The following SHROOM3 variants were observed in gnomAD, a reference collection of about 807,000 sequenced individuals.
SHROOM3 encodes protein Shroom3.
SHROOM3 carries 47 observed loss-of-function variants against 138.6 expected under a neutral mutation model. The observed-to-expected ratio is 0.34, with a 90% CI of 0.27 to 0.43. SHROOM3 has a LOEUF of 0.43. Ranked by LOEUF, SHROOM3 falls within the 20% of genes least tolerant of loss-of-function variation. The pLI, the probability that SHROOM3 is intolerant of heterozygous loss-of-function variation, is 1.00. For synonymous variants in SHROOM3, 1,062 were observed against 1,063.3 expected (o/e 1.00, Z 0.02); for missense variants, 2,491 against 2,596.5 (o/e 0.96, Z 0.88).
At chr4:76,516,300 T>C (rs1001294134) in intron 1 of SHROOM3, among the ~76,000 whole-genome samples, 1 of 152,230 alleles carries the variant, frequency 6.6e-6, no homozygotes, top group African/African-American at 2.4e-5. Flanking sequence ...TTTTCTAGAC[T>C]GTAATATTGC....
chr4:76,631,156 G>T (rs377553626), intron 2 of SHROOM3, among the ~76,000 whole-genome samples: 9 of 147,464 alleles, frequency 6.1e-5, no homozygotes, highest in African/African-American at 2.4e-4. Context: ...ATTGAGTGAG[G>T]TGCTTTAATA....
intron 1 of SHROOM3, among the ~76,000 whole-genome samples, chr4:76,541,133 G>A (rs900297207): frequency 1.3e-5 from 2 of 151,956 alleles, no homozygotes; most frequent in Non-Finnish European, 1.5e-5. Flanking sequence ...CTATATGTAC[G>A]TTATAATAGA....
At chr4:76,732,279 G>A (rs994595248) in intron 4 of SHROOM3, among the ~76,000 whole-genome samples, 1 of 152,144 alleles carries the variant, frequency 6.6e-6, no homozygotes, top group Non-Finnish European at 1.5e-5. Flanking sequence ...GGGGGGAGGA[G>A]GGGAGGCTGG....
At chr4:76,621,492 T>C (rs1735006563) in intron 2 of SHROOM3, among the ~76,000 whole-genome samples, 1 of 152,212 alleles carries the variant, frequency 6.6e-6, no homozygotes, top group Non-Finnish European at 1.5e-5. Context: ...TGGAGGTTAT[T>C]TATTTGTATG....
intron 1 of SHROOM3, among the ~76,000 whole-genome samples, chr4:76,519,933 G>A (rs2110009891): frequency 6.6e-6 from 1 of 152,260 alleles, no homozygotes; most frequent in Admixed American, 6.5e-5. Flanking sequence ...AGCTTCTTGT[G>A]TTTTAATCAT....
chr4:76,589,117 TCTCAACAAA>T (rs1164199722), intron 2 of SHROOM3, among the ~76,000 whole-genome samples: 1 of 152,176 alleles, frequency 6.6e-6, no homozygotes, highest in Non-Finnish European at 1.5e-5. Flanking sequence ...AGATAAAAGC[TCTCAACAAA>T]CTTGTGTGAA....
At chr4:76,612,089 C>T (rs1734775817) in intron 2 of SHROOM3, among the ~76,000 whole-genome samples, 1 of 152,176 alleles carries the variant, frequency 6.6e-6, no homozygotes, top group African/African-American at 2.4e-5. Flanking sequence ...TGTTTCTATT[C>T]CTCTACTCTA....
At chr4:76,652,572 A>T (rs2110089109) in intron 2 of SHROOM3, among the ~76,000 whole-genome samples, 1 of 152,344 alleles carries the variant, frequency 6.6e-6, no homozygotes, top group South Asian at 2.1e-4. Context: ...TGTGTCCCAT[A>T]TCACAGGCTC....
chr4:76,740,985 GC>G lies in SHROOM3; in HGVS notation c.2814del (p.Thr939ProfsTer50). Reference sequence around the variant, plus strand: ...GGACGCACAGTCCCGTGTCTTGGGGGCCACCTCCTTTCGACGTCGAGACCTG... The same window carrying G: ...GGACGCACAGTCCCGTGTCTTGGGGGCACCTCCTTTCGACGTCGAGACCTG... Reference protein sequence around the residue: ...IKDAQSRVLGATSFRRRDLEL... With the variant: ...IKDAQSRVLGXTSFRRRDLEL... On this transcript the variant is annotated frameshift_variant, in exon 5 of 11. Transcript: ENST00000296043. LOFTEE classifies it high-confidence loss of function. The surrounding 1 kb of genome is among the most constrained non-coding windows in gnomAD (Gnocchi z 4.0). 1 of 1,492,998 alleles carries G rather than the reference GC, an allele frequency of 6.7e-7. No homozygotes were observed. The highest frequency in any genetic ancestry group is 8.9e-7 in the Non-Finnish European group (1 of 1,125,542). 92.5% of individuals were successfully genotyped at this position (1,492,998 alleles called of 1,614,324 possible). A position where few individuals can be genotyped will look rare whatever the true frequency, so the allele number is the denominator to read the frequency against.
In SHROOM3 at chr4:76,765,673, C is replaced by T. The variant is rs796811675; in HGVS notation, c.5350-4953C>T. 2.0e-5 allele frequency among the ~76,000 whole-genome samples: 3 copies of T among 152,132 alleles called. 1 individual carries two copies. Among genetic ancestry groups the T allele is most frequent in the African/African-American group, 7.2e-5 (3 of 41,486 alleles). On this transcript the variant is annotated intron_variant, in intron 9 of 10. Transcript: ENST00000296043. ...GGTCTTGTCAGGGGAAGGAGTATTC[C>T]CCCTACAGACATCTATCTAATATGA...
intron 1 of SHROOM3, among the ~76,000 whole-genome samples, chr4:76,450,097 C>A (rs780834795): frequency 2.0e-5 from 3 of 152,134 alleles, no homozygotes; most frequent in African/African-American, 7.2e-5. Context: ...CATGCCTGCT[C>A]TAGCTCCAGG....
At chr4:76,642,044 GAC>G (rs1236680742) in intron 2 of SHROOM3, among the ~76,000 whole-genome samples, 1 of 152,100 alleles carries the variant, frequency 6.6e-6, no homozygotes, top group East Asian at 1.9e-4. Context: ...GGAAAGATGA[GAC>G]ACACACTTCA....
At chr4:76,528,544 CTTTCT>C (rs1296036976) in intron 1 of SHROOM3, among the ~76,000 whole-genome samples, 1 of 103,458 alleles carries the variant, frequency 9.7e-6, no homozygotes, top group East Asian at 3.0e-4. Context: ...ATCTTTCTTT[CTTTCT>C]TTTTTTTTTT....
intron 2 of SHROOM3, among the ~76,000 whole-genome samples, chr4:76,652,250 AAGT>A (rs1390670091): frequency 2.0e-5 from 3 of 152,218 alleles, no homozygotes; most frequent in Non-Finnish European, 4.4e-5. Context: ...CTCTTCTCAA[AAGT>A]AAAAGACATC....
At chr4:76,627,199 C>T (rs1011623425) in intron 2 of SHROOM3, among the ~76,000 whole-genome samples, 1 of 152,102 alleles carries the variant, frequency 6.6e-6, no homozygotes, top group Non-Finnish European at 1.5e-5. Context: ...AGATTTTCTC[C>T]CAACTTCCAG....
At chr4:76,616,471 C>T (rs1293383130) in intron 2 of SHROOM3, among the ~76,000 whole-genome samples, 1 of 152,166 alleles carries the variant, frequency 6.6e-6, no homozygotes, top group Non-Finnish European at 1.5e-5. Flanking sequence ...CATACACACA[C>T]ACACACAATG....
chr4:76,483,821 G>A (rs1731670844), intron 1 of SHROOM3, among the ~76,000 whole-genome samples: 2 of 152,134 alleles, frequency 1.3e-5, no homozygotes, highest in African/African-American at 4.8e-5. Flanking sequence ...CATAAAAAAG[G>A]ATGAGTTAAT....
intron 2 of SHROOM3, among the ~76,000 whole-genome samples, chr4:76,561,337 G>A (rs989137212): frequency 6.6e-6 from 1 of 152,146 alleles, no homozygotes; most frequent in Non-Finnish European, 1.5e-5. Context: ...AGAGATTGAG[G>A]AGAAAGCAGC....
At chr4:76,553,749 AGCCTCCCAAAGT>A (rs958086664) in intron 1 of SHROOM3, among the ~76,000 whole-genome samples, 2 of 152,104 alleles carry the variant, frequency 1.3e-5, no homozygotes, top group African/African-American at 4.8e-5. Context: ...CACCTGCCTC[AGCCTCCCAAAGT>A]GCTGGGATTA....
Sources: gnomAD v4.1 joint callset for allele counts (sites outside exome capture counted in the v4.1 genomes callset) on GRCh38, gnomAD v4.1.1 for gene constraint, Gnocchi (gnomAD v3.1) non-coding constraint, MANE v1.5 for transcripts, NCBI Gene and HGNC (gene_info 2026-07-23, HGNC 2026-07-21) for gene names.